Variants in ELMO1 observed in about 807,000 individuals in gnomAD.
ELMO1 encodes engulfment and cell motility 1, also known as engulfment and cell motility protein 1.
A neutral mutation model predicts 98.9 loss-of-function variants in ELMO1; 26 were observed. The ratio of observed to expected loss-of-function variants is 0.26; its 90% CI spans 0.19 to 0.36. ELMO1 has a LOEUF of 0.36. ELMO1 is among the 10% of genes least tolerant of loss of function. ELMO1 has a pLI of 1.00. For synonymous variants in ELMO1, 346 were observed against 346.0 expected (o/e 1.00, Z 0.00); for missense variants, 627 against 935.2 (o/e 0.67, Z 4.30).
chr7:37,384,531 T>G (rs967972959), intron 1 of ELMO1, among the ~76,000 whole-genome samples: 1 of 151,950 alleles, frequency 6.6e-6, no homozygotes, highest in Admixed American at 6.5e-5. Flanking sequence ...CCATCCTGGC[T>G]AACAAGGTGA....
chr7:36,965,593 A>G (rs1236934346), intron 16 of ELMO1, among the ~76,000 whole-genome samples: 2 of 152,194 alleles, frequency 1.3e-5, no homozygotes, highest in African/African-American at 4.8e-5. Context: ...GGCAGCTACA[A>G]TAAAATGTGA....
At chr7:36,979,315 T>C (rs544434264) in intron 16 of ELMO1, among the ~76,000 whole-genome samples, 9 of 152,316 alleles carry the variant, frequency 5.9e-5, no homozygotes, top group African/African-American at 2.2e-4. Flanking sequence ...CATACATCAT[T>C]TATATTTTCA....
chr7:37,221,009 G>A (rs555245971), intron 10 of ELMO1, among the ~76,000 whole-genome samples: 2 of 152,222 alleles, frequency 1.3e-5, no homozygotes, highest in South Asian at 4.2e-4. Flanking sequence ...GGGCTGCTTG[G>A]GAGTTATGAG....
intron 15 of ELMO1, among the ~76,000 whole-genome samples, chr7:37,036,699 A>G (rs968941940): frequency 6.6e-5 from 10 of 152,172 alleles, no homozygotes; most frequent in African/African-American, 2.4e-4. Context: ...ATAGGAGGTT[A>G]CTTCCAGGAA....
In ELMO1 at chr7:36,939,615, G is replaced by T. The variant is rs368671223; in HGVS notation, c.1438-44598C>A. 8.5e-5 allele frequency among the ~76,000 whole-genome samples: 13 copies of T among 152,352 alleles called. No individual in the cohort carries two copies. In the East Asian group the frequency reaches 2.3e-3, roughly 27 times the overall value. On this transcript the variant is annotated intron_variant, in intron 16 of 21. Coordinates refer to ENST00000310758, the MANE Select transcript of ELMO1 (RefSeq NM_014800.11). The stretch of plus-strand genomic sequence containing the variant: ...GATGAAGTGGTGAACAGAATACATG[G>T]GAAGCATTGCTGTGGCTCTGGACCA...
intron 13 of ELMO1, among the ~76,000 whole-genome samples, chr7:37,186,688 C>T (rs1351896664): frequency 2.0e-5 from 3 of 152,078 alleles, no homozygotes; most frequent in African/African-American, 4.8e-5. Flanking sequence ...ATAAAAATGA[C>T]CAATAAGCAC....
chr7:37,355,181 C>G (rs1310802090), intron 1 of ELMO1, among the ~76,000 whole-genome samples: 8 of 152,164 alleles, frequency 5.3e-5, no homozygotes, highest in Non-Finnish European at 8.8e-5. Context: ...TCCTGGTTCA[C>G]CCACATTGAA....
intron 1 of ELMO1, among the ~76,000 whole-genome samples, chr7:37,369,073 C>T (rs192513120): frequency 1.3e-3 from 202 of 152,176 alleles, no homozygotes; most frequent in African/African-American, 3.5e-3. Flanking sequence ...CCAAAATAAA[C>T]GGATAAACAT....
chr7:37,217,363 C>T (rs1213252117), intron 10 of ELMO1, among the ~76,000 whole-genome samples: 1 of 152,154 alleles, frequency 6.6e-6, no homozygotes, highest in Non-Finnish European at 1.5e-5. Context: ...TAAATATTGA[C>T]AAGTGGAGAC....
chr7:37,155,906 T>C (rs957644263), intron 13 of ELMO1, among the ~76,000 whole-genome samples: 5 of 152,106 alleles, frequency 3.3e-5, no homozygotes, highest in Non-Finnish European at 5.9e-5. Context: ...TATTCCACAA[T>C]TGACCACATA....
chr7:37,123,960 C>G (rs181560614), intron 14 of ELMO1, among the ~76,000 whole-genome samples: 2 of 152,166 alleles, frequency 1.3e-5, no homozygotes, highest in African/African-American at 4.8e-5. Context: ...GGCTTCATCC[C>G]TGGGATGCAA....
chr7:37,095,254 T>C (rs139221495), intron 15 of ELMO1, among the ~76,000 whole-genome samples: 1 of 152,136 alleles, frequency 6.6e-6, no homozygotes, highest in Non-Finnish European at 1.5e-5. Flanking sequence ...ATTTCCCCCA[T>C]GAAATTGAGA....
intron 13 of ELMO1, among the ~76,000 whole-genome samples, chr7:37,147,272 C>T (rs1333082429): frequency 6.6e-6 from 1 of 152,140 alleles, no homozygotes; most frequent in African/African-American, 2.4e-5. Context: ...CCAATAGATT[C>T]TAAGCCCCCT....
intron 13 of ELMO1, among the ~76,000 whole-genome samples, chr7:37,144,370 C>T (rs1373790321): frequency 1.3e-5 from 2 of 152,064 alleles, no homozygotes; most frequent in African/African-American, 4.8e-5. Context: ...AAGAATTTCA[C>T]GCCAAAACAT....
At chr7:37,080,440 T>TC (rs1447174855) in intron 15 of ELMO1, among the ~76,000 whole-genome samples, 2 of 149,300 alleles carry the variant, frequency 1.3e-5, no homozygotes, top group Non-Finnish European at 3.0e-5. Context: ...ATCCCACTTT[T>TC]TTTTTTTTTT....
intron 13 of ELMO1, among the ~76,000 whole-genome samples, chr7:37,197,420 C>T (rs1792029035): frequency 3.3e-5 from 5 of 152,194 alleles, no homozygotes; most frequent in Admixed American, 6.5e-5. Flanking sequence ...TCCCGGCAGA[C>T]GTGAAACAGA....
At chr7:37,173,055 A>T (rs1332543766) in intron 13 of ELMO1, among the ~76,000 whole-genome samples, 1 of 152,198 alleles carries the variant, frequency 6.6e-6, no homozygotes, top group East Asian at 1.9e-4. Flanking sequence ...CGTTCACAAG[A>T]CTTGACTTTC....
chr7:37,008,375 G>A (rs1793296154), intron 16 of ELMO1, among the ~76,000 whole-genome samples: 1 of 152,158 alleles, frequency 6.6e-6, no homozygotes, highest in African/African-American at 2.4e-5. Flanking sequence ...TTGTTTGGAG[G>A]AAGACACTTC....
intron 13 of ELMO1, among the ~76,000 whole-genome samples, chr7:37,180,407 A>C (rs1457550634): frequency 6.6e-6 from 1 of 152,190 alleles, no homozygotes; most frequent in African/African-American, 2.4e-5. Flanking sequence ...GCCAAATCCA[A>C]ATTGAGAGAG....
Sources: allele counts gnomAD v4.1 joint callset (sites outside exome capture counted in the v4.1 genomes callset), GRCh38; gene constraint gnomAD v4.1.1; transcripts MANE v1.5; gene names NCBI Gene and HGNC (gene_info 2026-07-23, HGNC 2026-07-21).